The following CECR2 variants were observed in gnomAD, a reference collection of about 807,000 sequenced individuals.
CECR2 encodes CECR2 histone acetyl-lysine reader, also known as chromatin remodeling regulator CECR2.
Under a neutral mutation model 154.5 loss-of-function variants are expected in CECR2, and 30 were observed. The observed-to-expected ratio is 0.19, with a 90% CI of 0.15 to 0.26. CECR2 has a LOEUF of 0.26. Among genes scored for constraint, CECR2 ranks in the 10% least tolerant of loss-of-function variants. The pLI is 1.00. For synonymous variants in CECR2, 725 were observed against 683.7 expected (o/e 1.06, Z -0.94); for missense variants, 1,743 against 1,829.3 (o/e 0.95, Z 0.86).
At chr22:17,421,210 G>A (rs536430859) in intron 1 of CECR2, among the ~76,000 whole-genome samples, 5 of 152,012 alleles carry the variant, frequency 3.3e-5, no homozygotes, top group Non-Finnish European at 5.9e-5. Flanking sequence ...GGCTGGGCAC[G>A]GTGGCTCACA....
intron 1 of CECR2, among the ~76,000 whole-genome samples, chr22:17,468,399 C>G (rs2055068814): frequency 1.3e-5 from 2 of 152,060 alleles, no homozygotes; most frequent in African/African-American, 4.8e-5. Flanking sequence ...AACTATATTG[C>G]CCAGGTGTGG....
intron 7 of CECR2, among the ~76,000 whole-genome samples, chr22:17,505,895 A>G (rs533427868): frequency 7.3e-6 from 1 of 137,556 alleles, no homozygotes; most frequent in Non-Finnish European, 1.5e-5. Context: ...CCCAGACTGG[A>G]ATGCAGTAGT....
intron 10 of CECR2, 45 bp downstream of exon 10, chr22:17,537,277 A>G (rs372776001): frequency 7.2e-5 from 116 of 1,607,924 alleles, no homozygotes; most frequent in Non-Finnish European, 8.9e-5. Flanking sequence ...AACTGGTAGC[A>G]TTTATGAAGC....
At chr22:17,519,289 T>C (rs2056113662) in intron 8 of CECR2, among the ~76,000 whole-genome samples, 2 of 99,436 alleles carry the variant, frequency 2.0e-5, no homozygotes, top group African/African-American at 6.8e-5. Context: ...TCAGGTGTTT[T>C]GTGTTTTTTT....
Position 17,554,545 on chromosome 22 carries a change from T to C in CECR2, c.*1705T>C, listed in dbSNP as rs1425084760. The C allele has an allele frequency of 6.6e-6, 1 of 152,222 alleles. No homozygotes were observed. Among genetic ancestry groups the C allele is most frequent in the East Asian group, 1.9e-4 (1 of 5,194 alleles). The allele number at this position is 152,222 out of a possible 1,614,324, so 9.4% of individuals were successfully genotyped here. A position where few individuals can be genotyped will look rare whatever the true frequency, so the allele number is the denominator to read the frequency against. On this transcript the variant is annotated 3_prime_UTR_variant, in exon 19 of 19. Coordinates refer to ENST00000262608, the MANE Select transcript of CECR2 (RefSeq NM_001290047.2). ...AGCCAAGACACCAGTTCCAGGATGA[T>C]GGAAGTTCATATCCGTACGCAAATG... is the stretch of plus-strand genomic sequence containing the variant.
intron 2 of CECR2, among the ~76,000 whole-genome samples, chr22:17,480,845 G>T (rs1365080207): frequency 1.3e-5 from 2 of 151,554 alleles, no homozygotes; most frequent in African/African-American, 4.9e-5. Flanking sequence ...TTCAAGAGCA[G>T]TCTGGCCAAT....
At chr22:17,518,700 A>G (rs770946987) in intron 8 of CECR2, 29 of 437,540 alleles carry the variant, frequency 6.6e-5, no homozygotes, top group African/African-American at 2.7e-4. Flanking sequence ...TTTGCATTCA[A>G]GCACCTCAGC....
chr22:17,524,403 T>C (rs1438922249), intron 9 of CECR2, 132 bp downstream of exon 9: 2 of 1,142,640 alleles, frequency 1.8e-6, no homozygotes, highest in Non-Finnish European at 1.2e-6. Context: ...TTTTTTTTTT[T>C]TTTTTTTGAG....
intron 2 of CECR2, among the ~76,000 whole-genome samples, chr22:17,482,830 A>G (rs1441890976): frequency 7.2e-6 from 1 of 139,650 alleles, no homozygotes; most frequent in Non-Finnish European, 1.5e-5. Flanking sequence ...ACAGGTGCCC[A>G]CCACCACACC....
At chr22:17,421,504 A>G (rs1332055501) in intron 1 of CECR2, among the ~76,000 whole-genome samples, 1 of 147,826 alleles carries the variant, frequency 6.8e-6, no homozygotes, top group East Asian at 2.0e-4. Context: ...AGTCCCAGCT[A>G]CTTGGGAGGC....
At chr22:17,418,549 T>C (rs532032074) in intron 1 of CECR2, 1 of 154,422 alleles carries the variant, frequency 6.5e-6, no homozygotes, top group South Asian at 2.1e-4. Flanking sequence ...TAATTAGCTG[T>C]GAGCTGTGCA....
intron 8 of CECR2, among the ~76,000 whole-genome samples, chr22:17,519,422 G>C (rs983500322): frequency 1.3e-5 from 2 of 151,742 alleles, no homozygotes; most frequent in African/African-American, 4.8e-5. Flanking sequence ...ACCATGCCCA[G>C]CTAATTTTTT....
In CECR2 at chr22:17,556,201, C is replaced by T. The variant is rs1483000390; in HGVS notation, c.*3361C>T. On this transcript the variant is annotated 3_prime_UTR_variant, in exon 19 of 19. Transcript: ENST00000262608. ...TTGGTTTAGTTTACCTGGCCGTACA[C>T]ACGAGCTGCTCATCAACAGTTCGTA... 3 of 152,150 alleles carry T rather than the reference C, an allele frequency of 2.0e-5. 1 individual carries two copies. The highest frequency in any genetic ancestry group is 4.4e-5 in the Non-Finnish European group (3 of 68,040). The allele number at this position is 152,150 out of a possible 1,614,324, so 9.4% of individuals were successfully genotyped here. A position where few individuals can be genotyped will look rare whatever the true frequency, so the allele number is the denominator to read the frequency against.
chr22:17,406,646 A>G (rs1019818111), intron 1 of CECR2, among the ~76,000 whole-genome samples: 1 of 152,140 alleles, frequency 6.6e-6, no homozygotes, highest in Non-Finnish European at 1.5e-5. Flanking sequence ...GGGGTGAAAT[A>G]TGAAATGATT....
intron 1 of CECR2, among the ~76,000 whole-genome samples, chr22:17,455,648 C>T: frequency 6.6e-6 from 1 of 152,232 alleles, no homozygotes; most frequent in Non-Finnish European, 1.5e-5. Flanking sequence ...AGAGTCCCCT[C>T]TGTTGCCCAT....
intron 1 of CECR2, among the ~76,000 whole-genome samples, chr22:17,448,888 AT>A (rs945868078): frequency 6.6e-6 from 1 of 150,556 alleles, no homozygotes; most frequent in African/African-American, 2.4e-5. Context: ...TTATTTATTT[AT>A]TTTTTTTGGA....
chr22:17,477,051 GTA>G, intron 1 of CECR2: 1 of 710,102 alleles, frequency 1.4e-6, no homozygotes, highest in Non-Finnish European at 2.6e-6. Context: ...CATCAGCCAT[GTA>G]GGTGTGGCAT....
Position 17,540,780 on chromosome 22 carries a change from G to A in CECR2, c.1864G>A (p.Ala622Thr). Residue 622 changes from alanine (A) to threonine (T), a missense_variant, in exon 14 of 19, where the codon GCA becomes ACA. Transcript: ENST00000262608. ...PLHCGGTPSQ[A>T]PFLNQMRPAV... is the part of the protein sequence containing the mutation. The stretch of plus-strand genomic sequence containing the variant: ...GCATTGTGGTGGGACACCCAGCCAG[G>A]CACCCTTTTTAAACCAGATGGTAAG... 6.3e-7 allele frequency: 1 copy of A among 1,581,362 alleles called. No homozygotes were observed. Among genetic ancestry groups the A allele is most frequent in the Non-Finnish European group, 8.6e-7 (1 of 1,163,266 alleles).
chr22:17,541,426 C>T (rs1472410090), intron 14 of CECR2, among the ~76,000 whole-genome samples: 1 of 152,134 alleles, frequency 6.6e-6, no homozygotes, highest in Admixed American at 6.5e-5. Context: ...GCCTGGGCAA[C>T]ACTGTGAGAC....
Sources: gnomAD v4.1 joint callset for allele counts (sites outside exome capture counted in the v4.1 genomes callset) on GRCh38, gnomAD v4.1.1 for gene constraint, MANE v1.5 for transcripts, NCBI Gene and HGNC (gene_info 2026-07-23, HGNC 2026-07-21) for gene names.